ZNF567: variants seen among roughly 807,000 people sequenced by gnomAD.
ZNF567 encodes zinc finger protein 567.
Under a neutral mutation model 53.9 loss-of-function variants are expected in ZNF567, and 36 were observed. The observed-to-expected ratio is 0.67, with a 90% CI of 0.51 to 0.88. The LOEUF is 0.88. Among genes scored for constraint, ZNF567 ranks in the 40% least tolerant of loss-of-function variants. The pLI is 0.00. For missense variants in ZNF567, 619 were observed against 764.7 expected, an observed-to-expected ratio of 0.81 and a Z score of 2.25; for synonymous variants, 224 against 260.4, an observed-to-expected ratio of 0.86 and a Z score of 1.35.
At chr19:36,699,356 G>C (rs2039056543) in intron 3 of ZNF567, among the ~76,000 whole-genome samples, 1 of 152,214 alleles carries the variant, frequency 6.6e-6, no homozygotes, top group African/African-American at 2.4e-5. Flanking sequence ...CAGGTAGCGT[G>C]ATGCCTCCAG....
At chr19:36,724,322 ACAAT>A (rs1307269943), downstream of ZNF567, among the ~76,000 whole-genome samples, 1 of 151,304 alleles carries the variant, frequency 6.6e-6, no homozygotes, top group Non-Finnish European at 1.5e-5. Flanking sequence ...AATTTTTTTA[ACAAT>A]CATCATTCTG....
At chr19:36,721,497 A>G (rs1054303227), downstream of ZNF567, among the ~76,000 whole-genome samples, 1 of 152,174 alleles carries the variant, frequency 6.6e-6, no homozygotes, top group Non-Finnish European at 1.5e-5. Flanking sequence ...AAGGCTATTA[A>G]TAAATCATGG....
At chr19:36,694,743 GA>G (rs1470490282) in intron 2 of ZNF567, 58 bp from the exon 3 acceptor site, 1 of 800,942 alleles carries the variant, frequency 1.2e-6, no homozygotes, top group East Asian at 2.8e-5. Context: ...AGAATTATAA[GA>G]GCTGTGAGGC....
intron 3 of ZNF567, 166 bp from the exon 4 acceptor site, chr19:36,712,220 G>A (rs1470060253): frequency 1.1e-5 from 6 of 570,940 alleles, no homozygotes; most frequent in African/African-American, 9.6e-5. Flanking sequence ...CTAATTTTTT[G>A]TATTTTTAGT....
chr19:36,669,429 A>G, the ZNF567 span: 8 of 152,238 alleles, frequency 5.3e-5, no homozygotes, highest in African/African-American at 1.7e-4. Context: ...TGTAGTAACT[A>G]CATAAGAGAA....
the ZNF567 span, chr19:36,668,895 C>G: frequency 1.3e-5 from 2 of 152,158 alleles, no homozygotes; most frequent in South Asian, 4.2e-4. Context: ...TACAGCTGGC[C>G]CTCCCTATCC....
In ZNF567 at chr19:36,720,774, A is replaced by C. The variant is rs1032797802; in HGVS notation, c.*106A>C. The C allele has an allele frequency of 9.9e-7, 1 of 1,010,952 alleles. No homozygotes were observed. The highest frequency in any genetic ancestry group is 1.6e-5 in the African/African-American group (1 of 61,716). The allele number at this position is 1,010,952 out of a possible 1,614,324, so 62.6% of individuals were successfully genotyped here. A position where few individuals can be genotyped will look rare whatever the true frequency, so the allele number is the denominator to read the frequency against. On this transcript the variant is annotated 3_prime_UTR_variant, in exon 6 of 6. Transcript: ENST00000682579. ...TAATGTAATTTTAAATCACAAGTCT[A>C]ATAATTATTAAAGTACCATACGGAA...
chr19:36,689,074 G>A (rs1270962455), intron 1 of ZNF567, among the ~76,000 whole-genome samples: 1 of 152,174 alleles, frequency 6.6e-6, no homozygotes, highest in Non-Finnish European at 1.5e-5. Context: ...TCCAGCCTGG[G>A]CGACAGAACG....
At chr19:36,721,579 G>A (rs761129982), downstream of ZNF567, among the ~76,000 whole-genome samples, 39 of 152,016 alleles carry the variant, frequency 2.6e-4, no homozygotes, top group Non-Finnish European at 5.6e-4. Context: ...AAGCAAATTC[G>A]TATTGGAGGG....
At chr19:36,673,599 C>G in the ZNF567 span, among the ~76,000 whole-genome samples, 1 of 152,116 alleles carries the variant, frequency 6.6e-6, no homozygotes, top group Non-Finnish European at 1.5e-5. Context: ...GCTGGCCTGC[C>G]TTGCAGATTT....
chr19:36,683,557 G>A (rs1054928758), upstream of ZNF567, among the ~76,000 whole-genome samples: 3 of 152,224 alleles, frequency 2.0e-5, no homozygotes, highest in African/African-American at 7.2e-5. Flanking sequence ...ATGATGGCCA[G>A]GTGCAATGGC....
chr19:36,712,570 T>C, intron 4 of ZNF567, 58 bp downstream of exon 4: 2 of 1,603,136 alleles, frequency 1.2e-6, no homozygotes, highest in Non-Finnish European at 8.5e-7. Context: ...AAGTGCCTAA[T>C]TGTGTATAAT....
downstream of ZNF567, among the ~76,000 whole-genome samples, chr19:36,722,736 A>G (rs1051320489): frequency 2.0e-5 from 3 of 152,220 alleles, no homozygotes; most frequent in African/African-American, 4.8e-5. Flanking sequence ...GCCATTGCCA[A>G]TCAGTAGTAA....
chr19:36,688,336 G>C (rs2038376107), intron 1 of ZNF567, among the ~76,000 whole-genome samples: 1 of 152,248 alleles, frequency 6.6e-6, no homozygotes, highest in African/African-American at 2.4e-5. Context: ...GACTTAGGTG[G>C]AGTGCTTGAG....
intron 5 of ZNF567, among the ~76,000 whole-genome samples, chr19:36,713,300 T>TA (rs1295717687): frequency 6.6e-6 from 1 of 151,616 alleles, no homozygotes; most frequent in Non-Finnish European, 1.5e-5. Context: ...ACAAAAAAAA[T>TA]ACAAAAGTTA....
rs1450276241 is a variant in ZNF567, at chr19:36,719,173, G to A, written c.449G>A (p.Ser150Asn). The change falls in exon 6 of 6, where the codon AGT (serine) becomes AAT (asparagine). Residue 150 changes from serine to asparagine, a missense_variant. Coordinates refer to ENST00000682579, the MANE Select transcript of ZNF567 (RefSeq NM_001322917.1). ...AAAAATGTTTCAGAATTAATCATCA[G>A]TAATCTAAATCCTGCAAGAAAGAGA... is the stretch of plus-strand genomic sequence containing the variant. ...ILKNVSELII[S>N]NLNPARKRLS... 1.2e-6 allele frequency: 2 copies of A among 1,612,932 alleles called. No individual in the cohort carries two copies. The highest frequency in any genetic ancestry group is 2.2e-5 in the South Asian group (2 of 90,658).
downstream of ZNF567, among the ~76,000 whole-genome samples, chr19:36,726,496 G>A (rs2040335411): frequency 6.6e-6 from 1 of 152,218 alleles, no homozygotes; most frequent in Non-Finnish European, 1.5e-5. Context: ...ACACCTGGGT[G>A]GAAGTGCTCC....
chr19:36,675,847 T>C, the ZNF567 span, among the ~76,000 whole-genome samples: 2 of 152,066 alleles, frequency 1.3e-5, no homozygotes. Flanking sequence ...AGACTCTGTC[T>C]CAAACAAAAA....
At chr19:36,683,736 G>A (rs1186696356), upstream of ZNF567, among the ~76,000 whole-genome samples, 2 of 152,156 alleles carry the variant, frequency 1.3e-5, no homozygotes, top group African/African-American at 4.8e-5. Context: ...GGAGGCTGAG[G>A]TGGGGGAATT....
Sources: allele counts gnomAD v4.1 joint callset (sites outside exome capture counted in the v4.1 genomes callset), GRCh38; gene constraint gnomAD v4.1.1; transcripts MANE v1.5; gene names NCBI Gene and HGNC (gene_info 2026-07-23, HGNC 2026-07-21).